The following ANKS1B variants were observed in gnomAD, a reference collection of about 807,000 sequenced individuals.
ANKS1B encodes ankyrin repeat and sterile alpha motif domain containing 1B, also known as ankyrin repeat and sterile alpha motif domain-containing protein 1B.
In ANKS1B, 36 loss-of-function variants were observed where a neutral mutation model predicts 148.3. The observed-to-expected ratio is 0.24, with a 90% confidence interval of 0.19 to 0.32. The LOEUF is 0.32. Among genes scored for constraint, ANKS1B ranks in the 10% least tolerant of loss-of-function variants. The probability of loss-of-function intolerance (pLI) is 1.00; values close to 1 mark genes in which losing one functional copy is unlikely to be tolerated. For missense variants in ANKS1B, 1,157 were observed against 1,542.6 expected (o/e 0.75, Z 4.19); for synonymous variants, 542 against 560.8 (o/e 0.97, Z 0.47).
At chr12:98,903,443 G>A (rs2099774855) in intron 17 of ANKS1B, among the ~76,000 whole-genome samples, 1 of 152,174 alleles carries the variant, frequency 6.6e-6, no homozygotes, top group Non-Finnish European at 1.5e-5. Context: ...TGGGAAAAAG[G>A]GGAACTCTTC....
chr12:98,938,641 A>C (rs982223282), intron 17 of ANKS1B, among the ~76,000 whole-genome samples: 3 of 152,248 alleles, frequency 2.0e-5, no homozygotes, highest in African/African-American at 7.2e-5. Context: ...CCTTGGGGGA[A>C]GACACACACA....
intron 9 of ANKS1B, among the ~76,000 whole-genome samples, chr12:99,543,139 C>T (rs1241029430): frequency 6.6e-6 from 1 of 151,948 alleles, no homozygotes; most frequent in Admixed American, 6.6e-5. Flanking sequence ...AATAAAAAGA[C>T]AAATTATCCA....
chr12:99,276,945 A>C (rs779071065), intron 12 of ANKS1B, among the ~76,000 whole-genome samples: 1 of 152,196 alleles, frequency 6.6e-6, no homozygotes, highest in Non-Finnish European at 1.5e-5. Flanking sequence ...ATATTTTATT[A>C]GATAAACACT....
intron 1 of ANKS1B, among the ~76,000 whole-genome samples, chr12:99,892,571 T>C (rs551315239): frequency 6.6e-6 from 1 of 152,136 alleles, no homozygotes; most frequent in Non-Finnish European, 1.5e-5. Context: ...AACAAAAATC[T>C]TCAAAGGGTT....
intron 12 of ANKS1B, among the ~76,000 whole-genome samples, chr12:99,280,681 A>T (rs920482639): frequency 6.6e-5 from 10 of 152,108 alleles, no homozygotes; most frequent in African/African-American, 2.4e-4. Context: ...AGTGAAAAGG[A>T]ATTCCCATTA....
intron 25 of ANKS1B, among the ~76,000 whole-genome samples, chr12:98,753,167 C>T (rs1437783088): frequency 1.3e-5 from 2 of 152,248 alleles, no homozygotes; most frequent in African/African-American, 2.4e-5. Flanking sequence ...GACCTTCAAT[C>T]AGTCCTTTTC....
intron 25 of ANKS1B, among the ~76,000 whole-genome samples, chr12:98,762,805 A>T (rs2098428507): frequency 6.6e-6 from 1 of 152,184 alleles, no homozygotes. Context: ...TATAGGGCTG[A>T]TTCCCCCAGT....
At chr12:99,732,502 A>C (rs1342908359) in intron 8 of ANKS1B, among the ~76,000 whole-genome samples, 1 of 152,160 alleles carries the variant, frequency 6.6e-6, no homozygotes, top group Non-Finnish European at 1.5e-5. Context: ...GGCACAAAAG[A>C]CTGTATGATT....
intron 9 of ANKS1B, chr12:99,647,827 C>G (rs1309188056): frequency 3.7e-6 from 1 of 267,774 alleles, no homozygotes; most frequent in Non-Finnish European, 7.2e-6. Context: ...AGAGCAAAGG[C>G]TGTTGTGAAG....
chr12:99,781,490 T>A (rs1323590601), intron 5 of ANKS1B, among the ~76,000 whole-genome samples: 1 of 152,176 alleles, frequency 6.6e-6, no homozygotes, highest in Non-Finnish European at 1.5e-5. Context: ...CCAACTTTAT[T>A]GTTCCTTCAA....
At chr12:98,743,667 G>A (rs2097824032), downstream of ANKS1B, among the ~76,000 whole-genome samples, 1 of 152,174 alleles carries the variant, frequency 6.6e-6, no homozygotes, top group African/African-American at 2.4e-5. Flanking sequence ...ATACCATCGA[G>A]GCTGTGCTAC....
At chr12:99,856,473 A>G (rs914149590) in intron 1 of ANKS1B, among the ~76,000 whole-genome samples, 9 of 152,094 alleles carry the variant, frequency 5.9e-5, no homozygotes, top group Non-Finnish European at 1.3e-4. Context: ...AATTGGTACC[A>G]ATACTACTGA....
At chr12:99,788,095 T>G (rs1321418763) in intron 4 of ANKS1B, among the ~76,000 whole-genome samples, 1 of 152,186 alleles carries the variant, frequency 6.6e-6, no homozygotes, top group Non-Finnish European at 1.5e-5. Flanking sequence ...TAGGCTAGGC[T>G]TAGAGCCAGT....
intron 12 of ANKS1B, among the ~76,000 whole-genome samples, chr12:99,277,670 T>G (rs983945036): frequency 6.6e-6 from 1 of 152,200 alleles, no homozygotes; most frequent in Non-Finnish European, 1.5e-5. Flanking sequence ...GAAGCAAAAC[T>G]GAACCCTATG....
Position 99,401,622 on chromosome 12 carries a change from AC to A in ANKS1B, c.1576-1812del, listed in dbSNP as rs558754924. Among the ~76,000 whole-genome samples, 152 of 146,998 alleles carry A rather than the reference AC, an allele frequency of 1.0e-3. 16 individuals are homozygous for A. The highest frequency in any genetic ancestry group is 2.0e-3 in the Non-Finnish European group (131 of 66,340). ...AATTCATTCTACAAATATTTGCTGA[AC>A]ATACACTAAACTGCAGATATCATGC... is the stretch of plus-strand genomic sequence containing the variant. On this transcript the variant is annotated intron_variant, in intron 11 of 26. Transcript: ENST00000683438.
At chr12:99,638,093 A>G (rs1017463417) in intron 9 of ANKS1B, among the ~76,000 whole-genome samples, 1 of 152,076 alleles carries the variant, frequency 6.6e-6, no homozygotes, top group Non-Finnish European at 1.5e-5. Flanking sequence ...CATGTGAAGA[A>G]GAACATATTT....
chr12:99,081,389 A>G (rs1175377670), intron 16 of ANKS1B, among the ~76,000 whole-genome samples: 2 of 152,204 alleles, frequency 1.3e-5, no homozygotes, highest in Non-Finnish European at 2.9e-5. Flanking sequence ...AATATTCTGA[A>G]GACTGAAATT....
intron 14 of ANKS1B, among the ~76,000 whole-genome samples, chr12:99,215,288 C>T (rs993436304): frequency 3.9e-5 from 6 of 152,186 alleles, no homozygotes; most frequent in Non-Finnish European, 7.3e-5. Context: ...AGGTGTGCTG[C>T]CGGGGCAAAG....
intron 11 of ANKS1B, among the ~76,000 whole-genome samples, chr12:99,410,375 A>G (rs1567047179): frequency 2.6e-5 from 4 of 152,054 alleles, no homozygotes; most frequent in Non-Finnish European, 4.4e-5. Context: ...CTATAAAGTG[A>G]ATAGGAAATT....
Sources: allele counts gnomAD v4.1 joint callset (sites outside exome capture counted in the v4.1 genomes callset), GRCh38; gene constraint gnomAD v4.1.1; transcripts MANE v1.5; gene names NCBI Gene and HGNC (gene_info 2026-07-23, HGNC 2026-07-21).